MYO18B: variants seen among roughly 807,000 people sequenced by gnomAD.
The protein encoded by MYO18B is unconventional myosin-XVIIIb.
In MYO18B, 204 loss-of-function variants were observed where a neutral mutation model predicts 273.0. The observed-to-expected ratio is 0.75, with a 90% CI of 0.67 to 0.84. The LOEUF (loss-of-function observed/expected upper bound fraction) is 0.84. Among genes scored for constraint, MYO18B ranks in the 40% least tolerant of loss-of-function variants. The pLI, the probability that MYO18B is intolerant of heterozygous loss-of-function variation, is 0.00. For synonymous variants in MYO18B, 1,330 were observed against 1,305.7 expected (o/e 1.02, Z -0.40); for missense variants, 3,212 against 3,287.6 (o/e 0.98, Z 0.56).
chr22:25,882,463 GC>G, intron 25 of MYO18B, among the ~76,000 whole-genome samples: 1 of 152,256 alleles, frequency 6.6e-6, no homozygotes, highest in East Asian at 1.9e-4. Context: ...GGGCACTAAG[GC>G]ATTTAGCAAA....
intron 39 of MYO18B, among the ~76,000 whole-genome samples, chr22:25,991,071 G>A (rs2093265234): frequency 6.6e-6 from 1 of 152,110 alleles, no homozygotes. Flanking sequence ...ACTCCACGCT[G>A]CCACAATTCT....
At chr22:25,998,999 A>C (rs1288437013) in intron 40 of MYO18B, among the ~76,000 whole-genome samples, 1 of 152,154 alleles carries the variant, frequency 6.6e-6, no homozygotes, top group Non-Finnish European at 1.5e-5. Context: ...AAATAATGAT[A>C]ATTGTAACAA....
At position 25,769,386 on chromosome 22, in the gene MYO18B, G is replaced by T. The variant is rs574080869; in HGVS notation, c.1470G>T (p.Pro490=). The change falls in exon 4 of 44, where the codon CCG becomes CCT. Residue 490 remains proline (P), a synonymous_variant. Coordinates refer to ENST00000335473, the MANE Select transcript of MYO18B (RefSeq NM_032608.7). ...AGGAGAACCAAGACGGGCCAGCCCC[G>T]CAGGAGGAGGGCAAAGGAGGCCAGA... The part of the protein sequence containing the change: ...IRKENQDGPA[P]QEEGKGGQSR... 2 of 1,569,564 alleles carry T rather than the reference G, an allele frequency of 1.3e-6. No homozygotes were observed. The highest frequency in any genetic ancestry group is 1.7e-6 in the Non-Finnish European group (2 of 1,157,910).
At chr22:25,878,357 G>A (rs1386992568) in intron 25 of MYO18B, among the ~76,000 whole-genome samples, 2 of 152,130 alleles carry the variant, frequency 1.3e-5, no homozygotes, top group Non-Finnish European at 2.9e-5. Context: ...AGGGAAAAAT[G>A]ATAAATTTGA....
chr22:25,792,491 T>TTTTTG (rs55642940), intron 11 of MYO18B, among the ~76,000 whole-genome samples: 1 of 96,444 alleles, frequency 1.0e-5, no homozygotes, highest in Non-Finnish European at 1.8e-5. Context: ...CTTTTTTTTT[T>TTTTTG]CTTTTCTTTT....
At chr22:25,826,614 G>A in intron 14 of MYO18B, 115 bp downstream of exon 14, 1 of 882,510 alleles carries the variant, frequency 1.1e-6, no homozygotes, top group Non-Finnish European at 1.8e-6. Flanking sequence ...GGGTTTCTAA[G>A]GTGGACAGTG....
chr22:25,969,831 G>T (rs1435493018), intron 39 of MYO18B, among the ~76,000 whole-genome samples: 1 of 152,202 alleles, frequency 6.6e-6, no homozygotes, highest in Admixed American at 6.5e-5. Context: ...TATTGCAACT[G>T]CTTCACAGCA....
chr22:25,775,747 G>T (rs756859122), intron 7 of MYO18B, among the ~76,000 whole-genome samples: 11 of 151,966 alleles, frequency 7.2e-5, no homozygotes, highest in Admixed American at 5.2e-4. Context: ...AGGATGCTCT[G>T]TTCTCACACT....
chr22:26,020,071 A>T (rs13056131), intron 42 of MYO18B, among the ~76,000 whole-genome samples: 4,871 of 152,254 alleles, frequency 0.032, 122 homozygotes, highest in Non-Finnish European at 0.052. Flanking sequence ...ACCAGGGTTC[A>T]AATGCAGGCC....
intron 23 of MYO18B, among the ~76,000 whole-genome samples, chr22:25,875,514 C>CG (rs1555920682): frequency 1.3e-5 from 2 of 151,552 alleles, no homozygotes; most frequent in East Asian, 3.9e-4. Context: ...GTCCCCCCCC[C>CG]AGTGATAAGA....
At chr22:25,911,112 G>T (rs548710006) in intron 33 of MYO18B, 62 bp downstream of exon 33, 105 of 1,249,082 alleles carry the variant, frequency 8.4e-5, no homozygotes, top group Middle Eastern at 3.7e-4. Context: ...TGAGAGATGG[G>T]CTCATGGAGA....
At chr22:25,813,411 G>T (rs2088856013) in intron 12 of MYO18B, among the ~76,000 whole-genome samples, 7 of 151,964 alleles carry the variant, frequency 4.6e-5, no homozygotes, top group Admixed American at 4.6e-4. Flanking sequence ...CTTCCAAGAT[G>T]AAATTTCAGT....
At chr22:26,062,223 C>T in the MYO18B span, among the ~76,000 whole-genome samples, 1 of 152,172 alleles carries the variant, frequency 6.6e-6, no homozygotes, top group Non-Finnish European at 1.5e-5. Context: ...GACTGACCTT[C>T]CTGCCATCAT....
intron 29 of MYO18B, 68 bp downstream of exon 29, chr22:25,898,529 G>A: frequency 2.6e-6 from 4 of 1,555,630 alleles, no homozygotes; most frequent in Non-Finnish European, 3.5e-6. Flanking sequence ...CGTTTTCTGG[G>A]GTATCCAGGT....
At chr22:25,760,953 CTT>C in intron 1 of MYO18B, 29 bp from the exon 2 acceptor site, 1 of 956,702 alleles carries the variant, frequency 1.0e-6, no homozygotes, top group Non-Finnish European at 1.6e-6. Flanking sequence ...CTGTCTCTCT[CTT>C]CTCTCCCCAC....
At chr22:25,753,403 T>C (rs1243352135) in intron 1 of MYO18B, among the ~76,000 whole-genome samples, 1 of 152,114 alleles carries the variant, frequency 6.6e-6, no homozygotes, top group Non-Finnish European at 1.5e-5. Context: ...AACGGACCAG[T>C]CAGCTCTTTG....
intron 25 of MYO18B, among the ~76,000 whole-genome samples, chr22:25,885,578 G>T (rs769006766): frequency 6.6e-6 from 1 of 152,130 alleles, no homozygotes; most frequent in African/African-American, 2.4e-5. Flanking sequence ...TGTTTGGGGG[G>T]TTGAGGGGTT....
intron 39 of MYO18B, among the ~76,000 whole-genome samples, chr22:25,981,333 G>A (rs1339659776): frequency 1.3e-5 from 2 of 152,166 alleles, no homozygotes; most frequent in African/African-American, 4.8e-5. Flanking sequence ...AAGATCTTTT[G>A]ATGTTACTGT....
At chr22:25,829,746 G>T (rs940045494) in intron 15 of MYO18B, among the ~76,000 whole-genome samples, 2 of 152,056 alleles carry the variant, frequency 1.3e-5, no homozygotes, top group African/African-American at 4.8e-5. Flanking sequence ...GCTGAGGCAG[G>T]AGAATCGCTT....
Sources: gnomAD v4.1 joint callset for allele counts (sites outside exome capture counted in the v4.1 genomes callset) on GRCh38, gnomAD v4.1.1 for gene constraint, MANE v1.5 for transcripts, NCBI Gene and HGNC (gene_info 2026-07-23, HGNC 2026-07-21) for gene names.